Variants in GIT2 observed in about 807,000 individuals in gnomAD.
The protein encoded by GIT2 is GIT ArfGAP 2, also known as ARF GTPase-activating protein GIT2.
A neutral mutation model predicts 100.3 loss-of-function variants in GIT2; 32 were observed. The ratio of observed to expected loss-of-function variants is 0.32; its 90% CI spans 0.24 to 0.43. GIT2 has a LOEUF of 0.43. Among genes scored for constraint, GIT2 ranks in the 20% least tolerant of loss-of-function variants. The pLI is 1.00. For missense variants in GIT2, 737 were observed against 975.1 expected, an observed-to-expected ratio of 0.76 and a Z score of 3.25; for synonymous variants, 353 against 364.1, an observed-to-expected ratio of 0.97 and a Z score of 0.35.
Position 109,980,869 on chromosome 12 carries a change from G to A in GIT2, c.718+83C>T, listed in dbSNP as rs773726477. On this transcript the variant is annotated intron_variant, in intron 7 of 19. Transcript: ENST00000355312. ...CTCAGTGATATGTTACAGCAGAGGA[G>A]GTAATAACAAATAGTGTCCCAACTT... 35 of 815,854 alleles carry A rather than the reference G, an allele frequency of 4.3e-5. No homozygotes were observed. The Admixed American group carries it at 4.6e-4, about 11-fold the overall frequency. 50.5% of individuals were successfully genotyped at this position (815,854 alleles called of 1,614,324 possible).
rs376273833 is a variant in GIT2, at chr12:109,951,258, T to C, written c.1301A>G (p.Lys434Arg). ...PVTVQEFMEV[K>R]NALVASEAKI... is the part of the protein sequence containing the mutation. ...GGCCTCAGAAGCCACTAGAGCGTTTTTGACCTCCATAAATTCCTGTACAGT... is the reference window on the plus strand; with the variant it reads ...GGCCTCAGAAGCCACTAGAGCGTTTCTGACCTCCATAAATTCCTGTACAGT... Residue 434 changes from lysine to arginine, a missense_variant, in exon 14 of 20, where the codon AAA becomes AGA. Around this residue, in one of 3 missense-constraint regions of GIT2, gnomAD observed 451 missense variants for 543.7 expected, o/e 0.83. Coordinates refer to ENST00000355312, the MANE Select transcript of GIT2 (RefSeq NM_057169.5). The C allele has an allele frequency of 6.8e-6, 11 of 1,611,746 alleles. No homozygotes were observed. The highest frequency in any genetic ancestry group is 3.3e-5 in the Admixed American group (2 of 60,026).
chr12:109,999,890 GA>G, upstream of GIT2: 3 of 1,041,942 alleles, frequency 2.9e-6, no homozygotes, highest in South Asian at 5.1e-5. This position sits in a 1 kb window ranked among gnomAD's most constrained non-coding sequence, Gnocchi z 4.3. Flanking sequence ...GGGATCCCCA[GA>G]CCCCTTCCAC....
In GIT2 at chr12:109,937,971, G is replaced by A. The variant is rs151060861; in HGVS notation, c.2003+409C>T. Among the ~76,000 whole-genome samples the A allele has an allele frequency of 6.8e-3, 1,038 of 152,224 alleles. 1 individual carries two copies. The highest frequency in any genetic ancestry group is 9.5e-3 in the Non-Finnish European group (644 of 68,008). On this transcript the variant is annotated intron_variant, in intron 18 of 19. Transcript: ENST00000355312. ...ACCTGCTTCGGCCTCCCAAAGTGCC[G>A]GGATTACAGGTGTGAGCCACTGTGC... is the stretch of plus-strand genomic sequence containing the variant.
chr12:109,967,401 TAC>T, intron 8 of GIT2, 55 bp downstream of exon 8: 1 of 1,510,908 alleles, frequency 6.6e-7, no homozygotes, highest in South Asian at 1.1e-5. Flanking sequence ...TTAAACATAA[TAC>T]AACCAAGGAA....
chr12:109,996,268 G>T lies in GIT2; in HGVS notation c.-44C>A. 1.4e-6 allele frequency: 2 copies of T among 1,406,132 alleles called. No individual in the cohort carries two copies. Among genetic ancestry groups the T allele is most frequent in the Non-Finnish European group, 1.9e-6 (2 of 1,032,030 alleles). 87.1% of individuals were successfully genotyped at this position (1,406,132 alleles called of 1,614,324 possible). On this transcript the variant is annotated 5_prime_UTR_variant, in exon 1 of 20. In the 5' UTR this introduces an upstream ATG that the reference lacks. Coordinates refer to ENST00000355312, the MANE Select transcript of GIT2 (RefSeq NM_057169.5). The stretch of plus-strand genomic sequence containing the variant: ...GCGGGGAACTAGAGGCCGGGGGACA[G>T]CAAAGGCGGCGGTGGCGGCGGCGCT...
chr12:109,957,663 T>C (rs1179455631), intron 12 of GIT2, among the ~76,000 whole-genome samples: 2 of 151,772 alleles, frequency 1.3e-5, no homozygotes, highest in East Asian at 3.9e-4. Context: ...TCTGCCACCA[T>C]GCCCAGCTAA....
At chr12:109,940,258 G>T (rs1003381691) in intron 16 of GIT2, 1 of 152,182 alleles carries the variant, frequency 6.6e-6, no homozygotes, top group African/African-American at 2.4e-5. Context: ...TTATTCCTTC[G>T]AAGGGGACTA....
chr12:109,930,116 A>G lies in GIT2; in HGVS notation c.*2862T>C, dbSNP rs1466057780. On this transcript the variant is annotated 3_prime_UTR_variant, in exon 20 of 20. Coordinates refer to ENST00000355312, the MANE Select transcript of GIT2 (RefSeq NM_057169.5). ...TGGTTCTGCAACTGAATCACTTGAG[A>G]AGCCGTGCACAGCTCCCGAGTTGTG... The G allele has an allele frequency of 6.6e-6, 1 of 152,638 alleles. No homozygotes were observed. Among genetic ancestry groups the G allele is most frequent in the Non-Finnish European group, 1.5e-5 (1 of 68,036 alleles). The allele number at this position is 152,638 out of a possible 1,614,324, so 9.5% of individuals were successfully genotyped here.
upstream of GIT2, chr12:109,998,066 G>A (rs1889692206): frequency 6.6e-6 from 1 of 152,228 alleles, no homozygotes; most frequent in African/African-American, 2.4e-5. Flanking sequence ...TAATGAGATA[G>A]GGAGATTTTC....
At chr12:109,972,768 T>G (rs1212423333) in intron 7 of GIT2, among the ~76,000 whole-genome samples, 1 of 152,110 alleles carries the variant, frequency 6.6e-6, no homozygotes, top group Non-Finnish European at 1.5e-5. Flanking sequence ...TGGCCTGATT[T>G]TCAAATATTA....
chr12:109,930,189 C>T lies in GIT2; in HGVS notation c.*2789G>A, dbSNP rs1237118603. On this transcript the variant is annotated 3_prime_UTR_variant, in exon 20 of 20. Coordinates refer to ENST00000355312, the MANE Select transcript of GIT2 (RefSeq NM_057169.5). ...AAATGCTGTGTTTGATCTTTGGGCC[C>T]AATTCACTGTTCTTTGGCAAATAAG... The T allele has an allele frequency of 6.6e-6, 1 of 152,518 alleles. No homozygotes were observed. The allele number at this position is 152,518 out of a possible 1,614,324, so 9.4% of individuals were successfully genotyped here. A position where few individuals can be genotyped will look rare whatever the true frequency, so the allele number is the denominator to read the frequency against.
chr12:109,966,470 T>C (rs7133426), intron 8 of GIT2, among the ~76,000 whole-genome samples: 9,877 of 142,732 alleles, frequency 0.069, 568 homozygotes, highest in African/African-American at 0.15. Flanking sequence ...GACTGCACCA[T>C]TGCACTCCAG....
chr12:109,961,437 G>T, intron 10 of GIT2, 62 bp from the exon 11 acceptor site: 1 of 1,117,358 alleles, frequency 8.9e-7, no homozygotes, highest in South Asian at 1.2e-5. Context: ...GCTCCTGGGA[G>T]GCACAGCTCA....
intron 18 of GIT2, among the ~76,000 whole-genome samples, chr12:109,935,299 G>C (rs1347750529): frequency 3.3e-5 from 5 of 152,136 alleles, no homozygotes; most frequent in Non-Finnish European, 5.9e-5. Context: ...ATTTCAGAAA[G>C]AGAAAAAAGC....
chr12:109,937,865 G>A (rs958418726), intron 18 of GIT2, among the ~76,000 whole-genome samples: 2 of 152,166 alleles, frequency 1.3e-5, no homozygotes, highest in African/African-American at 2.4e-5. Context: ...ACCATGCTCA[G>A]CTAATTTTTG....
chr12:109,976,933 T>C (rs1482367740), intron 7 of GIT2, among the ~76,000 whole-genome samples: 1 of 152,228 alleles, frequency 6.6e-6, no homozygotes, highest in Non-Finnish European at 1.5e-5. Flanking sequence ...TTCAACTTTT[T>C]GTTTGTTTCT....
chr12:109,965,394 C>G, intron 9 of GIT2, 132 bp downstream of exon 9: 1 of 615,936 alleles, frequency 1.6e-6, no homozygotes, highest in Non-Finnish European at 2.9e-6. Flanking sequence ...ACTCAACAGT[C>G]TGCTTCTAGT....
At chr12:109,973,205 A>G (rs1884333750) in intron 7 of GIT2, among the ~76,000 whole-genome samples, 1 of 152,126 alleles carries the variant, frequency 6.6e-6, no homozygotes, top group African/African-American at 2.4e-5. Context: ...CAGTTGCACA[A>G]TCTCAGCTCA....
chr12:109,970,769 C>T (rs1883668601), intron 7 of GIT2, among the ~76,000 whole-genome samples: 1 of 152,136 alleles, frequency 6.6e-6, no homozygotes, highest in Non-Finnish European at 1.5e-5. Context: ...GTTCCTTCAC[C>T]CTTCCATTTG....
Sources: gnomAD v4.1 joint callset for allele counts (sites outside exome capture counted in the v4.1 genomes callset) on GRCh38, gnomAD v4.1.1 for gene constraint, gnomAD v4.1.1 regional missense constraint, Gnocchi (gnomAD v3.1) non-coding constraint, MANE v1.5 for transcripts, NCBI Gene and HGNC (gene_info 2026-07-23, HGNC 2026-07-21) for gene names.